Variants in KLHL18 observed in about 807,000 individuals in gnomAD.
KLHL18 encodes the protein kelch like family member 18, also known as kelch-like protein 18.
KLHL18 carries 38 observed loss-of-function variants against 58.5 expected under a neutral mutation model. That is an observed-to-expected ratio of 0.65 (90% confidence interval 0.50 to 0.85). The LOEUF is 0.85. KLHL18 is among the 40% of genes least tolerant of loss of function. The pLI, the probability that KLHL18 is intolerant of heterozygous loss-of-function variation, is 0.00. For synonymous variants in KLHL18, 303 were observed against 301.9 expected (o/e 1.00, Z -0.04); for missense variants, 624 against 778.4 (o/e 0.80, Z 2.36).
chr3:47,284,231 C>T (rs1173493650), intron 1 of KLHL18, among the ~76,000 whole-genome samples: 1 of 151,730 alleles, frequency 6.6e-6, no homozygotes, highest in Non-Finnish European at 1.5e-5. Flanking sequence ...GATCCTATTT[C>T]TCCTATTTCT....
chr3:47,294,005 A>G (rs1017834725), intron 1 of KLHL18, among the ~76,000 whole-genome samples: 2 of 152,250 alleles, frequency 1.3e-5, no homozygotes, highest in Non-Finnish European at 2.9e-5. Context: ...AGGTATCTAC[A>G]TAATAGCTGC....
intron 1 of KLHL18, among the ~76,000 whole-genome samples, chr3:47,304,163 A>C (rs1461405032): frequency 2.0e-5 from 3 of 152,152 alleles, no homozygotes; most frequent in Non-Finnish European, 4.4e-5. Context: ...TCTCATTCAA[A>C]ATTGTTTTAG....
chr3:47,343,280 C>T (rs951898219), intron 9 of KLHL18, among the ~76,000 whole-genome samples: 1 of 152,220 alleles, frequency 6.6e-6, no homozygotes, highest in Admixed American at 6.5e-5. Context: ...ACCCAGCTCT[C>T]ATACAGGTTC....
chr3:47,336,865 G>A (rs555931526), intron 7 of KLHL18, 108 bp downstream of exon 7: 1 of 890,486 alleles, frequency 1.1e-6, no homozygotes, highest in African/African-American at 1.7e-5. Context: ...CTTTGGCCTG[G>A]GAGTTTCCTG....
intron 1 of KLHL18, among the ~76,000 whole-genome samples, chr3:47,300,090 TTTCCCTTCTCCA>T (rs916665675): frequency 1.4e-4 from 21 of 150,948 alleles, no homozygotes; most frequent in African/African-American, 4.9e-4. Context: ...CCCTGTCCTC[TTTCCCTTCTCCA>T]TTCCCTTCTT....
intron 7 of KLHL18, 103 bp from the exon 8 acceptor site, chr3:47,340,469 C>T (rs1250310697): frequency 1.9e-6 from 3 of 1,543,514 alleles, no homozygotes; most frequent in East Asian, 2.3e-5. Context: ...CTTAGATTTA[C>T]GTTGCAGAAA....
chr3:47,340,780 T>A lies in KLHL18; in HGVS notation c.1226+104T>A. 3 of 1,321,422 alleles carry A rather than the reference T, an allele frequency of 2.3e-6. No individual in the cohort carries two copies. The South Asian group carries it at 3.9e-5, about 17-fold the overall frequency. 81.9% of individuals were successfully genotyped at this position (1,321,422 alleles called of 1,614,324 possible). A position where few individuals can be genotyped will look rare whatever the true frequency, so the allele number is the denominator to read the frequency against. ...TTAAGCTTCTCAAGGGTAGAGAATG[T>A]CTTACCTTTTTGCCCGTATAGTACT... On this transcript the variant is annotated intron_variant, in intron 8 of 9. Coordinates refer to ENST00000232766, the MANE Select transcript of KLHL18 (RefSeq NM_025010.5).
intron 1 of KLHL18, among the ~76,000 whole-genome samples, chr3:47,312,045 T>G (rs984730216): frequency 2.0e-5 from 3 of 152,230 alleles, no homozygotes; most frequent in Admixed American, 6.5e-5. Context: ...TCTTTTTTTC[T>G]TAGAAGCAAA....
chr3:47,342,947 G>C (rs1402848098), intron 9 of KLHL18, 117 bp downstream of exon 9: 5 of 754,686 alleles, frequency 6.6e-6, no homozygotes, highest in African/African-American at 1.7e-5. Context: ...GTATCATCTA[G>C]TGAGGTTTCA....
chr3:47,305,280 C>T (rs1398394433), intron 1 of KLHL18, among the ~76,000 whole-genome samples: 1 of 142,826 alleles, frequency 7.0e-6, no homozygotes, highest in African/African-American at 2.5e-5. Context: ...AAGTTCCCCT[C>T]AATTCCTAGT....
At position 47,346,723 on chromosome 3, in the gene KLHL18, A is replaced by G. The variant is rs1443825403; in HGVS notation, c.*2782A>G. ...TGACTGTGGGAATTCCTCCCAATTT[A>G]TGGTTTCCCAGAAAATCTTAGTTCC... is the stretch of plus-strand genomic sequence containing the variant. On this transcript the variant is annotated 3_prime_UTR_variant, in exon 10 of 10. Coordinates refer to ENST00000232766, the MANE Select transcript of KLHL18 (RefSeq NM_025010.5). 1 of 152,626 alleles carries G rather than the reference A, an allele frequency of 6.6e-6. No homozygotes were observed. Among genetic ancestry groups the G allele is most frequent in the Non-Finnish European group, 1.5e-5 (1 of 68,030 alleles). 9.5% of individuals were successfully genotyped at this position (152,626 alleles called of 1,614,324 possible).
chr3:47,333,176 C>G lies in KLHL18; in HGVS notation c.620C>G (p.Ala207Gly). 6.2e-7 allele frequency: 1 copy of G among 1,613,708 alleles called. No individual in the cohort carries two copies. The highest frequency in any genetic ancestry group is 1.3e-5 in the African/African-American group (1 of 75,002). The part of the protein sequence containing the change: ...SEEQVFEAAL[A>G]WVRYDREQRG... ...TGACAGGTCTTTGAAGCTGCATTGG[C>G]CTGGGTCAGATACGACCGGGAGCAG... Residue 207 changes from alanine to glycine, a missense_variant, in exon 5 of 10, where the codon GCC (alanine) becomes GGC (glycine). Physicochemically the swap from Ala to Gly is moderately conservative, Grantham distance 60. Transcript: ENST00000232766.
Position 47,343,769 on chromosome 3 carries a change from C to T in KLHL18, c.1553C>T (p.Ser518Phe). The T allele has an allele frequency of 6.2e-7, 1 of 1,614,218 alleles. No homozygotes were observed. Residue 518 changes from serine (S) to phenylalanine (F), a missense_variant, in exon 10 of 10, where the codon TCC (serine) becomes TTC (phenylalanine). Physicochemically the swap from Ser to Phe is radical, Grantham distance 155 (BLOSUM62 -2). Coordinates refer to ENST00000232766, the MANE Select transcript of KLHL18 (RefSeq NM_025010.5). ...VPMHTRRSRVSLVASCGRLYA... is the reference protein window; with the variant it reads ...VPMHTRRSRVFLVASCGRLYA... ...ATGCACACGCGCAGGAGCCGGGTCT[C>T]CCTGGTGGCCAGCTGTGGGCGCCTC...
At chr3:47,304,840 A>T (rs1241984544) in intron 1 of KLHL18, among the ~76,000 whole-genome samples, 3 of 152,162 alleles carry the variant, frequency 2.0e-5, no homozygotes, top group African/African-American at 7.2e-5. Context: ...CATGGGCAAC[A>T]TAGTGAAATC....
intron 1 of KLHL18, among the ~76,000 whole-genome samples, chr3:47,284,368 G>A (rs1305872147): frequency 2.4e-5 from 3 of 124,990 alleles, no homozygotes; most frequent in African/African-American, 6.0e-5. Flanking sequence ...ACGGAGTCTC[G>A]TTCTGTTGCC....
chr3:47,306,760 T>C (rs1361559790), intron 1 of KLHL18, among the ~76,000 whole-genome samples: 2 of 152,214 alleles, frequency 1.3e-5, no homozygotes, highest in Non-Finnish European at 2.9e-5. Context: ...TAGCAGTGCT[T>C]AAGAGCTCTT....
Position 47,344,157 on chromosome 3 carries a change from C to T in KLHL18, c.*216C>T. 1 of 592,744 alleles carries T rather than the reference C, an allele frequency of 1.7e-6. No individual in the cohort carries two copies. The highest frequency in any genetic ancestry group is 2.9e-6 in the Non-Finnish European group (1 of 340,292). The allele number at this position is 592,744 out of a possible 1,614,324, so 36.7% of individuals were successfully genotyped here. On this transcript the variant is annotated 3_prime_UTR_variant, in exon 10 of 10. Transcript: ENST00000232766. ...CAAGATGCACAGCATGGAACACAAG[C>T]TCCTCTGGATCCTGCAGCTGGTGAC...
intron 3 of KLHL18, among the ~76,000 whole-genome samples, chr3:47,323,469 A>G (rs1430481785): frequency 6.6e-6 from 1 of 152,130 alleles, no homozygotes; most frequent in Admixed American, 6.6e-5. Context: ...TCCTTAGTCC[A>G]TTGGGAACTA....
Position 47,334,919 on chromosome 3 carries a change from C to T in KLHL18, c.898+100C>T. 1 of 1,212,406 alleles carries T rather than the reference C, an allele frequency of 8.2e-7. No homozygotes were observed. Among genetic ancestry groups the T allele is most frequent in the Middle Eastern group, 2.8e-4 (1 of 3,616 alleles). 75.1% of individuals were successfully genotyped at this position (1,212,406 alleles called of 1,614,324 possible). On this transcript the variant is annotated intron_variant, in intron 6 of 9. Transcript: ENST00000232766. The surrounding 1 kb of genome is among the most constrained non-coding windows in gnomAD (Gnocchi z 4.7). ...GCCCTTCTGGTTTCTCTGTTTTGTA[C>T]TGTCACCACCCTTGCCCCTCTTGAT...
Sources: gnomAD v4.1 joint callset for allele counts (sites outside exome capture counted in the v4.1 genomes callset) on GRCh38, gnomAD v4.1.1 for gene constraint, Gnocchi (gnomAD v3.1) non-coding constraint, MANE v1.5 for transcripts, NCBI Gene and HGNC (gene_info 2026-07-23, HGNC 2026-07-21) for gene names.